The following CHST2 variants were observed in gnomAD, a reference collection of about 807,000 sequenced individuals.
The protein encoded by CHST2 is carbohydrate sulfotransferase 2, also known as N-acetylglucosamine 6-O-sulfotransferase 1.
CHST2 carries 23 observed loss-of-function variants against 34.6 expected under a neutral mutation model. The observed-to-expected ratio is 0.67, with a 90% CI of 0.48 to 0.94. The LOEUF (loss-of-function observed/expected upper bound fraction) is 0.94. CHST2 is among the 40% of genes least tolerant of loss of function. The probability of loss-of-function intolerance (pLI) is 0.00; values close to 1 mark genes in which losing one functional copy is unlikely to be tolerated. For synonymous variants in CHST2, 392 were observed against 343.1 expected (o/e 1.14, Z -1.58); for missense variants, 720 against 759.5 (o/e 0.95, Z 0.61).
chr3:143,122,332 C>G lies in CHST2; in HGVS notation c.1516C>G (p.Leu506Val), dbSNP rs1270162995. ...EEFCYQPMAV[L>V]GYERVNSPEE... ...GTTTTGCTACCAGCCCATGGCCGTC[C>G]TGGGCTATGAGCGGGTCAACAGCCC... Residue 506 changes from leucine (L) to valine (V), a missense_variant, in exon 2 of 2, where the codon CTG (leucine) becomes GTG (valine). Transcript: ENST00000309575. 4 of 1,613,938 alleles carry G rather than the reference C, an allele frequency of 2.5e-6. No homozygotes were observed. The highest frequency in any genetic ancestry group is 3.4e-6 in the Non-Finnish European group (4 of 1,180,024).
rs529172208 is a variant in CHST2 at position 143,123,172 on chromosome 3, G to A, written c.*763G>A. 6.6e-6 allele frequency: 1 copy of A among 152,540 alleles called. No individual in the cohort carries two copies. Among genetic ancestry groups the A allele is most frequent in the South Asian group, 2.1e-4 (1 of 4,826 alleles). 9.4% of individuals were successfully genotyped at this position (152,540 alleles called of 1,614,324 possible). ...ATCTCAGCCTGTTAGGTGTCCAGGA[G>A]TGAAACACATCTTTGTATTCTAAAG... On this transcript the variant is annotated 3_prime_UTR_variant, in exon 2 of 2. Transcript: ENST00000309575.
rs1410246442 is a variant in CHST2 at position 143,119,882 on chromosome 3, T to G, written c.-833T>G. ...GGCGGCGGCTGCGGCGGGGTCTTTC[T>G]TTGCTTAAATACCTCGTTGGCCAGA... On this transcript the variant is annotated 5_prime_UTR_variant, in exon 1 of 2. Coordinates refer to ENST00000309575, the MANE Select transcript of CHST2 (RefSeq NM_004267.5). 6.6e-6 allele frequency: 1 copy of G among 152,344 alleles called. No homozygotes were observed. Among genetic ancestry groups the G allele is most frequent in the Non-Finnish European group, 1.5e-5 (1 of 68,364 alleles). The allele number at this position is 152,344 out of a possible 1,614,324, so 9.4% of individuals were successfully genotyped here. A position where few individuals can be genotyped will look rare whatever the true frequency, so the allele number is the denominator to read the frequency against.
chr3:143,123,812 G>A lies in CHST2; in HGVS notation c.*1403G>A, dbSNP rs1936263828. On this transcript the variant is annotated 3_prime_UTR_variant, in exon 2 of 2. Transcript: ENST00000309575. ...AAAGAGGAAATGAAAATGAACTAGTGTGTAGGATTTTGAAATTTGGTATTT... is the reference window on the plus strand; with the variant it reads ...AAAGAGGAAATGAAAATGAACTAGTATGTAGGATTTTGAAATTTGGTATTT... 1 of 152,206 alleles carries A rather than the reference G, an allele frequency of 6.6e-6. No individual in the cohort carries two copies. Among genetic ancestry groups the A allele is most frequent in the South Asian group, 2.1e-4 (1 of 4,836 alleles). The allele number at this position is 152,206 out of a possible 1,614,324, so 9.4% of individuals were successfully genotyped here.
At position 143,121,710 on chromosome 3, in the gene CHST2, C is replaced by T; in HGVS notation, c.894C>T (p.Tyr298=). 1.3e-6 allele frequency: 2 copies of T among 1,588,982 alleles called. No individual in the cohort carries two copies. The highest frequency in any genetic ancestry group is 1.7e-6 in the Non-Finnish European group (2 of 1,165,252). Reference sequence around the variant, plus strand: ...GTTTCGAGGAGGAGTGCCGCAAGTACCGCACACTAGTCATAAAGGGTGTGC... The same window carrying T: ...GTTTCGAGGAGGAGTGCCGCAAGTATCGCACACTAGTCATAAAGGGTGTGC... ...LARFEEECRK[Y]RTLVIKGVRV... is the part of the protein sequence containing the mutation. The change falls in exon 2 of 2, where the codon TAC becomes TAT. Residue 298 remains tyrosine, a synonymous_variant. Transcript: ENST00000309575.
Position 143,119,818 on chromosome 3 carries a change from C to A in CHST2, c.-897C>A, listed in dbSNP as rs1276632177. ...TGCGGGCGCCCGGCGTAAGGGGAGT[C>A]GGGTAGCAGCATCCTCCTGGGCGCC... On this transcript the variant is annotated 5_prime_UTR_variant, in exon 1 of 2. Coordinates refer to ENST00000309575, the MANE Select transcript of CHST2 (RefSeq NM_004267.5). 2.0e-5 allele frequency: 3 copies of A among 150,612 alleles called. No individual in the cohort carries two copies. Among genetic ancestry groups the A allele is most frequent in the South Asian group, 4.1e-4 (2 of 4,886 alleles). 9.3% of individuals were successfully genotyped at this position (150,612 alleles called of 1,614,324 possible).
chr3:143,121,084 G>A lies in CHST2; in HGVS notation c.268G>A (p.Gly90Arg). ...GCCGCTGCAGCAGTGCAACCCCGATGGGCCGCTGGGTGCCGCAGCGGGGGC... is the reference window on the plus strand; with the variant it reads ...GCCGCTGCAGCAGTGCAACCCCGATAGGCCGCTGGGTGCCGCAGCGGGGGC... ...KEPLQQCNPD[G>R]PLGAAAGAAG... Residue 90 changes from glycine to arginine, a missense_variant, in exon 2 of 2, where the codon GGG (glycine) becomes AGG (arginine). Gly to Arg is a moderately radical substitution (Grantham distance 125, BLOSUM62 -2). Around this residue, in one of 4 missense-constraint regions of CHST2, gnomAD observed 287 missense variants for 242.7 expected, o/e 1.18. Coordinates refer to ENST00000309575, the MANE Select transcript of CHST2 (RefSeq NM_004267.5). The A allele has an allele frequency of 6.6e-7, 1 of 1,506,438 alleles. No individual in the cohort carries two copies. Among genetic ancestry groups the A allele is most frequent in the Non-Finnish European group, 8.8e-7 (1 of 1,130,530 alleles). The allele number at this position is 1,506,438 out of a possible 1,614,324, so 93.3% of individuals were successfully genotyped here.
In CHST2 at chr3:143,122,091, C is replaced by T. The variant is rs140050898; in HGVS notation, c.1275C>T (p.Tyr425=). 755 of 1,614,114 alleles carry T rather than the reference C, an allele frequency of 4.7e-4. No homozygotes were observed. Among genetic ancestry groups the T allele is most frequent in the Non-Finnish European group, 5.9e-4 (700 of 1,179,986 alleles). The change falls in exon 2 of 2, where the codon TAC becomes TAT. Residue 425 remains tyrosine (Y), a synonymous_variant. Coordinates refer to ENST00000309575, the MANE Select transcript of CHST2 (RefSeq NM_004267.5). ...AGGGCCACTACCTGGTGGTGCGGTA[C>T]GAGGACCTGGTGGGAGACCCCGTCA... is the stretch of plus-strand genomic sequence containing the variant. ...WLQGHYLVVR[Y]EDLVGDPVKT...
In CHST2 at chr3:143,120,765, C is replaced by T. The variant is rs1936197838; in HGVS notation, c.-52C>T. On this transcript the variant is annotated 5_prime_UTR_variant, in exon 2 of 2. Coordinates refer to ENST00000309575, the MANE Select transcript of CHST2 (RefSeq NM_004267.5). This position sits in a 1 kb window ranked among gnomAD's most constrained non-coding sequence, Gnocchi z 4.1. ...AGCAGCCAGCCCGCTGCGTCCCCTT[C>T]CCGGGCTGCAGGGCTGCCTCCGCCG... 5.8e-6 allele frequency: 7 copies of T among 1,204,470 alleles called. No individual in the cohort carries two copies. Among genetic ancestry groups the T allele is most frequent in the Non-Finnish European group, 7.2e-6 (7 of 971,614 alleles). The allele number at this position is 1,204,470 out of a possible 1,614,324, so 74.6% of individuals were successfully genotyped here.
In CHST2 at chr3:143,120,757, G is replaced by C; in HGVS notation, c.-60G>C. 1 of 1,197,542 alleles carries C rather than the reference G, an allele frequency of 8.4e-7. No homozygotes were observed. The highest frequency in any genetic ancestry group is 1.0e-6 in the Non-Finnish European group (1 of 966,588). 74.2% of individuals were successfully genotyped at this position (1,197,542 alleles called of 1,614,324 possible). On this transcript the variant is annotated 5_prime_UTR_variant, in exon 2 of 2. Transcript: ENST00000309575. This position sits in a 1 kb window ranked among gnomAD's most constrained non-coding sequence, Gnocchi z 4.1. ...CCGGCGCCAGCAGCCAGCCCGCTGC[G>C]TCCCCTTCCCGGGCTGCAGGGCTGC...
rs531603587 is a variant in CHST2 at position 143,121,930 on chromosome 3, G to A, written c.1114G>A (p.Ala372Thr). 20 of 1,579,134 alleles carry A rather than the reference G, an allele frequency of 1.3e-5. No individual in the cohort carries two copies. The South Asian group carries it at 2.2e-4, about 17-fold the overall frequency. ...RAHRMPFLEAAGHKLGAKKEG... is the reference protein window; with the variant it reads ...RAHRMPFLEATGHKLGAKKEG... Reference sequence around the variant, plus strand: ...TCACCGCATGCCCTTCTTGGAGGCCGCGGGCCACAAGCTTGGCGCCAAGAA... The same window carrying A: ...TCACCGCATGCCCTTCTTGGAGGCCACGGGCCACAAGCTTGGCGCCAAGAA... The change falls in exon 2 of 2, where the codon GCG becomes ACG. Residue 372 changes from alanine (A) to threonine (T), a missense_variant. Physicochemically the swap from Ala to Thr is moderately conservative, Grantham distance 58 (BLOSUM62 0). Transcript: ENST00000309575.
chr3:143,120,741 G>A lies in CHST2; in HGVS notation c.-76G>A, dbSNP rs1437707517. The A allele has an allele frequency of 8.5e-7, 1 of 1,180,646 alleles. No homozygotes were observed. The allele number at this position is 1,180,646 out of a possible 1,614,324, so 73.1% of individuals were successfully genotyped here. Reference sequence around the variant, plus strand: ...AGTCGCGGCCCGAGTCCCGGCGCCAGCAGCCAGCCCGCTGCGTCCCCTTCC... The same window carrying A: ...AGTCGCGGCCCGAGTCCCGGCGCCAACAGCCAGCCCGCTGCGTCCCCTTCC... On this transcript the variant is annotated 5_prime_UTR_variant, in exon 2 of 2. Transcript: ENST00000309575. This position sits in a 1 kb window ranked among gnomAD's most constrained non-coding sequence, Gnocchi z 4.1.
At position 143,122,506 on chromosome 3, in the gene CHST2, C is replaced by G. The variant is rs1477345753; in HGVS notation, c.*97C>G. On this transcript the variant is annotated 3_prime_UTR_variant, in exon 2 of 2. Coordinates refer to ENST00000309575, the MANE Select transcript of CHST2 (RefSeq NM_004267.5). ...ACAGTCCAGACTCAAACGGAGGAAG[C>G]CCACATATTCTATTATAGATATATA... The G allele has an allele frequency of 8.4e-7, 1 of 1,194,894 alleles. No individual in the cohort carries two copies. The highest frequency in any genetic ancestry group is 1.5e-5 in the African/African-American group (1 of 64,760). The allele number at this position is 1,194,894 out of a possible 1,614,324, so 74.0% of individuals were successfully genotyped here.
rs1168452029 is a variant in CHST2, at chr3:143,122,363, A to T, written c.1547A>T (p.Glu516Val). 1.2e-6 allele frequency: 2 copies of T among 1,611,882 alleles called. No homozygotes were observed. Among genetic ancestry groups the T allele is most frequent in the Non-Finnish European group, 1.7e-6 (2 of 1,179,172 alleles). Residue 516 changes from glutamate to valine, a missense_variant, in exon 2 of 2, where the codon GAG (glutamate) becomes GTG (valine). Physicochemically the swap from Glu to Val is moderately radical, Grantham distance 121. This residue lies in a region of CHST2 where 224 missense variants were observed against 227.8 expected (regional missense o/e 0.98). Coordinates refer to ENST00000309575, the MANE Select transcript of CHST2 (RefSeq NM_004267.5). The part of the protein sequence containing the change: ...LGYERVNSPE[E>V]VKDLSKTLLR... ...TATGAGCGGGTCAACAGCCCTGAGGAGGTCAAAGACCTCAGCAAGACCCTG... is the reference window on the plus strand; with the variant it reads ...TATGAGCGGGTCAACAGCCCTGAGGTGGTCAAAGACCTCAGCAAGACCCTG...
rs1034727953 is a variant in CHST2 at position 143,121,909 on chromosome 3, C to A, written c.1093C>A (p.Arg365Ser). ...GCGCAGCCGAGACCCGCGAGCTCACCGCATGCCCTTCTTGGAGGCCGCGGG... is the reference window on the plus strand; with the variant it reads ...GCGCAGCCGAGACCCGCGAGCTCACAGCATGCCCTTCTTGGAGGCCGCGGG... ...VVRSRDPRAH[R>S]MPFLEAAGHK... Residue 365 changes from arginine to serine, a missense_variant, in exon 2 of 2, where the codon CGC becomes AGC. Coordinates refer to ENST00000309575, the MANE Select transcript of CHST2 (RefSeq NM_004267.5). 3 of 1,578,434 alleles carry A rather than the reference C, an allele frequency of 1.9e-6. No homozygotes were observed. The highest frequency in any genetic ancestry group is 2.6e-6 in the Non-Finnish European group (3 of 1,161,058).
At position 143,122,651 on chromosome 3, in the gene CHST2, C is replaced by T; in HGVS notation, c.*242C>T. The T allele has an allele frequency of 2.5e-6, 1 of 393,834 alleles. No homozygotes were observed. Among genetic ancestry groups the T allele is most frequent in the Non-Finnish European group, 4.7e-6 (1 of 214,466 alleles). 24.4% of individuals were successfully genotyped at this position (393,834 alleles called of 1,614,324 possible). ...AACGTTCTGACCAGGTGCCCCTCTTCTTCTTTGCCTTCTCTTGTCCTCTTT... is the reference window on the plus strand; with the variant it reads ...AACGTTCTGACCAGGTGCCCCTCTTTTTCTTTGCCTTCTCTTGTCCTCTTT... On this transcript the variant is annotated 3_prime_UTR_variant, in exon 2 of 2. Transcript: ENST00000309575.
chr3:143,121,287 C>T lies in CHST2; in HGVS notation c.471C>T (p.Thr157=), dbSNP rs768272675. ...AAPPGNGTRG[T]GGVGDKRQLV... is the part of the protein sequence containing the mutation. The stretch of plus-strand genomic sequence containing the variant: ...CTCCAGGCAATGGCACTCGGGGCAC[C>T]GGGGGCGTCGGGGACAAGCGGCAGC... The change falls in exon 2 of 2, where the codon ACC becomes ACT. Residue 157 remains threonine, a synonymous_variant. Transcript: ENST00000309575. 6.8e-6 allele frequency: 11 copies of T among 1,610,042 alleles called. No individual in the cohort carries two copies. Among genetic ancestry groups the T allele is most frequent in the Admixed American group, 1.7e-5 (1 of 59,774 alleles).
Position 143,121,912 on chromosome 3 carries a change from A to G in CHST2, c.1096A>G (p.Met366Val), listed in dbSNP as rs1456583368. ...VRSRDPRAHR[M>V]PFLEAAGHKL... Reference sequence around the variant, plus strand: ...CAGCCGAGACCCGCGAGCTCACCGCATGCCCTTCTTGGAGGCCGCGGGCCA... The same window carrying G: ...CAGCCGAGACCCGCGAGCTCACCGCGTGCCCTTCTTGGAGGCCGCGGGCCA... The change falls in exon 2 of 2, where the codon ATG becomes GTG. Residue 366 changes from methionine to valine, a missense_variant. Met to Val is a conservative substitution (Grantham distance 21). Transcript: ENST00000309575. 2.5e-6 allele frequency: 4 copies of G among 1,579,246 alleles called. No homozygotes were observed. Among genetic ancestry groups the G allele is most frequent in the Admixed American group, 3.6e-5 (2 of 56,146 alleles).
chr3:143,123,943 T>G lies in CHST2; in HGVS notation c.*1534T>G, dbSNP rs530489396. Reference sequence around the variant, plus strand: ...AGAATGTTATACTATGAGAAGAAATTGTGAAGCCCAAATGGGAACAAGAGA... The same window carrying G: ...AGAATGTTATACTATGAGAAGAAATGGTGAAGCCCAAATGGGAACAAGAGA... On this transcript the variant is annotated 3_prime_UTR_variant, in exon 2 of 2. Transcript: ENST00000309575. 1 of 152,330 alleles carries G rather than the reference T, an allele frequency of 6.6e-6. No homozygotes were observed. The highest frequency in any genetic ancestry group is 2.4e-5 in the African/African-American group (1 of 41,572). 9.4% of individuals were successfully genotyped at this position (152,330 alleles called of 1,614,324 possible).
rs745646132 is a variant in CHST2, at chr3:143,121,068, G to A, written c.252G>A (p.Gln84=). 2.6e-6 allele frequency: 4 copies of A among 1,519,536 alleles called. No individual in the cohort carries two copies. The highest frequency in any genetic ancestry group is 2.9e-5 in the African/African-American group (2 of 69,550). 94.1% of individuals were successfully genotyped at this position (1,519,536 alleles called of 1,614,324 possible). ...LDYKWHKEPL[Q]QCNPDGPLGA... ...ACAAGTGGCACAAGGAGCCGCTGCA[G>A]CAGTGCAACCCCGATGGGCCGCTGG... Residue 84 remains glutamine, a synonymous_variant, in exon 2 of 2, where the codon CAG becomes CAA. Transcript: ENST00000309575.
Sources: gnomAD v4.1 joint callset for allele counts on GRCh38, gnomAD v4.1.1 for gene constraint, gnomAD v4.1.1 regional missense constraint, Gnocchi (gnomAD v3.1) non-coding constraint, MANE v1.5 for transcripts, NCBI Gene and HGNC (gene_info 2026-07-23, HGNC 2026-07-21) for gene names.